CHD6: variants seen among roughly 807,000 people sequenced by gnomAD.
The protein encoded by CHD6 is chromodomain helicase DNA binding protein 6.
CHD6 carries 50 observed loss-of-function variants against 276.9 expected under a neutral mutation model. The observed-to-expected ratio is 0.18, with a 90% CI of 0.14 to 0.23. CHD6 has a LOEUF of 0.23. Among genes scored for constraint, CHD6 ranks in the 10% least tolerant of loss-of-function variants. The pLI is 1.00. For missense variants in CHD6, 2,564 were observed against 3,365.8 expected (o/e 0.76, Z 5.89); for synonymous variants, 1,173 against 1,229.3 (o/e 0.95, Z 0.96).
intron 25 of CHD6, among the ~76,000 whole-genome samples, chr20:41,443,368 T>G (rs1403335484): frequency 2.0e-5 from 3 of 152,226 alleles, no homozygotes; most frequent in Non-Finnish European, 4.4e-5. Context: ...AATAATAACC[T>G]GTCTTTTCCA....
intron 1 of CHD6, among the ~76,000 whole-genome samples, chr20:41,568,228 G>A (rs932167040): frequency 6.6e-6 from 1 of 152,196 alleles, no homozygotes. Context: ...ATTAAACACA[G>A]ATAAAATCTT....
intron 3 of CHD6, among the ~76,000 whole-genome samples, chr20:41,519,444 CA>C (rs774171313): frequency 2.2e-4 from 33 of 152,126 alleles, no homozygotes; most frequent in Non-Finnish European, 4.3e-4. Context: ...TTTATTACAA[CA>C]TTTTTTGGTA....
At chr20:41,450,922 G>C (rs1200435639) in intron 23 of CHD6, 24 bp downstream of exon 23, 1 of 1,600,100 alleles carries the variant, frequency 6.2e-7, no homozygotes, top group Non-Finnish European at 8.5e-7. Context: ...CTGCCACCAG[G>C]GTATGGGGAG....
chr20:41,456,524 C>G lies in CHD6; in HGVS notation c.2830-545G>C, dbSNP rs571500703. Among the ~76,000 whole-genome samples the G allele has an allele frequency of 2.0e-5, 3 of 152,036 alleles. No individual in the cohort carries two copies. The East Asian group carries it at 5.8e-4, about 29-fold the overall frequency. On this transcript the variant is annotated intron_variant, in intron 18 of 36. Coordinates refer to ENST00000373233, the MANE Select transcript of CHD6 (RefSeq NM_032221.5). ...TCTGGTTCTAATTAAGAATCTGGTT[C>G]TCTTTATATCAATCACAAGAGGGAA... is the stretch of plus-strand genomic sequence containing the variant.
At chr20:41,555,620 C>T (rs1446506247) in intron 1 of CHD6, among the ~76,000 whole-genome samples, 7 of 150,932 alleles carry the variant, frequency 4.6e-5, no homozygotes, top group African/African-American at 9.8e-5. Flanking sequence ...GACGGGGTCG[C>T]GGCCGGGTAG....
intron 36 of CHD6, among the ~76,000 whole-genome samples, chr20:41,407,408 G>C (rs1780183235): frequency 6.6e-6 from 1 of 152,190 alleles, no homozygotes; most frequent in Non-Finnish European, 1.5e-5. Context: ...AAACCCCACA[G>C]AACGCAGAGA....
At chr20:41,493,516 G>A in intron 10 of CHD6, 22 bp downstream of exon 10, 2 of 1,611,358 alleles carry the variant, frequency 1.2e-6, no homozygotes, top group Non-Finnish European at 1.7e-6. Flanking sequence ...AGAAGTGCCA[G>A]AGAGAGACAA....
At chr20:41,521,303 A>G (rs908480007) in intron 3 of CHD6, among the ~76,000 whole-genome samples, 1 of 152,168 alleles carries the variant, frequency 6.6e-6, no homozygotes, top group Non-Finnish European at 1.5e-5. Flanking sequence ...AGTATAGCAA[A>G]CCAATTCTGA....
At chr20:41,499,222 C>A in intron 6 of CHD6, 73 bp downstream of exon 6, 1 of 1,227,638 alleles carries the variant, frequency 8.1e-7, no homozygotes, top group South Asian at 1.4e-5. Flanking sequence ...TCTAGGTTCT[C>A]TAGCCAAAAA....
chr20:41,611,521 T>A (rs1292194890), intron 1 of CHD6, among the ~76,000 whole-genome samples: 1 of 152,224 alleles, frequency 6.6e-6, no homozygotes, highest in Non-Finnish European at 1.5e-5. Context: ...GTTTCTCAAA[T>A]TTTGATGTGC....
chr20:41,590,004 T>C (rs922210548), intron 1 of CHD6, among the ~76,000 whole-genome samples: 1 of 394 alleles, frequency 2.5e-3, no homozygotes, highest in African/African-American at 0.01. Context: ...ATGGTACGGG[T>C]ACAAAACAGA....
chr20:41,495,436 G>A (rs984226108), intron 8 of CHD6, among the ~76,000 whole-genome samples: 1 of 152,170 alleles, frequency 6.6e-6, no homozygotes, highest in Non-Finnish European at 1.5e-5. Context: ...AGAGTAAATG[G>A]TGGTTGCCAG....
chr20:41,614,721 T>C (rs1310837502), intron 1 of CHD6: 1 of 152,246 alleles, frequency 6.6e-6, no homozygotes, highest in Non-Finnish European at 1.5e-5. Flanking sequence ...TCAGGACTTT[T>C]ATGGAAGTAA....
intron 1 of CHD6, among the ~76,000 whole-genome samples, chr20:41,574,364 G>GT (rs1004012024): frequency 5.9e-5 from 9 of 152,108 alleles, no homozygotes; most frequent in African/African-American, 2.2e-4. Flanking sequence ...TCATCCCCTA[G>GT]TTTTTTCTTC....
chr20:41,433,922 C>G (rs1348149228), intron 27 of CHD6, among the ~76,000 whole-genome samples: 3 of 151,904 alleles, frequency 2.0e-5, no homozygotes, highest in African/African-American at 7.3e-5. Flanking sequence ...TATGAAACAC[C>G]TAGAAGCATT....
At chr20:41,577,106 T>TCAA (rs927758958) in intron 1 of CHD6, among the ~76,000 whole-genome samples, 2 of 152,142 alleles carry the variant, frequency 1.3e-5, no homozygotes. Context: ...ATACATTACT[T>TCAA]CAACAACAAC....
At chr20:41,470,349 G>T (rs1480341438) in intron 17 of CHD6, among the ~76,000 whole-genome samples, 1 of 148,444 alleles carries the variant, frequency 6.7e-6, no homozygotes, top group Admixed American at 6.7e-5. Flanking sequence ...AGACTGGCTA[G>T]ACTTTAAAAA....
chr20:41,519,857 C>CA (rs943337184), intron 3 of CHD6, among the ~76,000 whole-genome samples: 6 of 152,106 alleles, frequency 3.9e-5, no homozygotes, highest in South Asian at 4.2e-4. Flanking sequence ...TTCTGCACAG[C>CA]AAAAAAACTA....
chr20:41,541,731 G>A, intron 2 of CHD6, among the ~76,000 whole-genome samples: 1 of 152,202 alleles, frequency 6.6e-6, no homozygotes, highest in East Asian at 1.9e-4. Context: ...CTGCTGAGAA[G>A]CAGGTAAGTG....
Sources: gnomAD v4.1 joint callset for allele counts (sites outside exome capture counted in the v4.1 genomes callset) on GRCh38, gnomAD v4.1.1 for gene constraint, MANE v1.5 for transcripts, NCBI Gene and HGNC (gene_info 2026-07-23, HGNC 2026-07-21) for gene names.